The following LRRC7 variants were observed in gnomAD, a reference collection of about 807,000 sequenced individuals.
LRRC7 encodes leucine rich repeat containing 7.
A neutral mutation model predicts 175.7 loss-of-function variants in LRRC7; 23 were observed. The ratio of observed to expected loss-of-function variants is 0.13; its 90% CI spans 0.09 to 0.19. The LOEUF is 0.19. Among genes scored for constraint, LRRC7 ranks in the 10% least tolerant of loss-of-function variants. LRRC7 has a pLI of 1.00. For synonymous variants in LRRC7, 685 were observed against 680.9 expected (o/e 1.01, Z -0.09); for missense variants, 1,354 against 1,904.7 (o/e 0.71, Z 5.38).
chr1:70,058,348 T>A (rs1409571462), intron 23 of LRRC7, among the ~76,000 whole-genome samples: 2 of 152,146 alleles, frequency 1.3e-5, no homozygotes, highest in Non-Finnish European at 2.9e-5. Flanking sequence ...TATTAAAAGT[T>A]TAGGATTCAC....
At chr1:69,600,785 A>C in intron 1 of LRRC7, among the ~76,000 whole-genome samples, 1 of 135,102 alleles carries the variant, frequency 7.4e-6, no homozygotes, top group South Asian at 2.5e-4. Context: ...CCATTTCTCC[A>C]AGGATCTCTG....
At chr1:70,118,355 T>A (rs1441727809) in intron 26 of LRRC7, among the ~76,000 whole-genome samples, 8 of 150,266 alleles carry the variant, frequency 5.3e-5, no homozygotes, top group Non-Finnish European at 7.4e-5. Context: ...AAAAAAAAAA[T>A]GGAGATTCAG....
rs28617355 is a variant in LRRC7, at chr1:70,125,747, C to A, written c.*3860C>A. On this transcript the variant is annotated 3_prime_UTR_variant, in exon 27 of 27. Coordinates refer to ENST00000651989, the MANE Select transcript of LRRC7 (RefSeq NM_001370785.2). ...GCGGAGCTTGCAGTGAGCCGAGATC[C>A]CGCCACTGCACTCCAGCCTGGGCGA... 6.1e-4 allele frequency among the ~76,000 whole-genome samples: 80 copies of A among 131,258 alleles called. 3 individuals carry two copies. The South Asian group carries it at 0.021, about 34-fold the overall frequency. 86.1% of individuals were successfully genotyped at this position (131,258 alleles called of 152,430 possible).
intron 4 of LRRC7, among the ~76,000 whole-genome samples, chr1:69,818,403 G>A (rs1015939367): frequency 2.0e-5 from 3 of 151,922 alleles, no homozygotes; most frequent in African/African-American, 4.8e-5. Context: ...TCTTGATGTG[G>A]TGTATCACAT....
chr1:69,969,918 T>A (rs1165633673), intron 8 of LRRC7, among the ~76,000 whole-genome samples: 2 of 152,096 alleles, frequency 1.3e-5, no homozygotes, highest in Admixed American at 6.6e-5. Flanking sequence ...AAATTGAAAT[T>A]ATATCAAGCA....
At chr1:69,981,960 A>G (rs1003150129) in intron 9 of LRRC7, among the ~76,000 whole-genome samples, 13 of 152,354 alleles carry the variant, frequency 8.5e-5, no homozygotes, top group Admixed American at 4.6e-4. Context: ...GGCCCAAGAT[A>G]ACACAGCCAG....
intron 14 of LRRC7, 58 bp from the exon 15 acceptor site, chr1:70,018,661 A>T (rs1402793247): frequency 8.3e-7 from 1 of 1,203,798 alleles, no homozygotes; most frequent in Non-Finnish European, 1.2e-6. Context: ...AGACCAGACT[A>T]TTGACTGTTA....
intron 7 of LRRC7, among the ~76,000 whole-genome samples, chr1:69,868,895 A>C (rs993050950): frequency 5.6e-5 from 8 of 143,968 alleles, no homozygotes; most frequent in African/African-American, 1.8e-4. Context: ...ATCTATCTAT[A>C]TATGTATGTA....
intron 3 of LRRC7, among the ~76,000 whole-genome samples, chr1:69,788,483 A>G: frequency 6.6e-6 from 1 of 152,214 alleles, no homozygotes; most frequent in East Asian, 1.9e-4. Flanking sequence ...CACATAATAG[A>G]TATTCAATAA....
rs190740578 is a variant in LRRC7 at position 70,091,483 on chromosome 1, C to T, written c.4545+1664C>T. Among the ~76,000 whole-genome samples, 17 of 152,174 alleles carry T rather than the reference C, an allele frequency of 1.1e-4. 1 individual carries two copies. In the East Asian group the frequency reaches 3.1e-3, roughly 28 times the overall value. On this transcript the variant is annotated intron_variant, in intron 25 of 26. Coordinates refer to ENST00000651989, the MANE Select transcript of LRRC7 (RefSeq NM_001370785.2). ...ATATTTTTCTGTTCTTTCTCACCAG[C>T]ATATAAATCTTTTCACTATATTTTT...
chr1:69,603,933 T>C (rs1647194685), intron 1 of LRRC7, among the ~76,000 whole-genome samples: 1 of 152,142 alleles, frequency 6.6e-6, no homozygotes, highest in African/African-American at 2.4e-5. Context: ...TATTAAAAGA[T>C]AGTTCTATTT....
At chr1:69,981,480 T>A (rs1170942640) in intron 9 of LRRC7, among the ~76,000 whole-genome samples, 1 of 152,102 alleles carries the variant, frequency 6.6e-6, no homozygotes, top group Non-Finnish European at 1.5e-5. Flanking sequence ...AACAGAAAAA[T>A]ATGCACATCT....
At chr1:69,849,150 A>T (rs1682698204) in intron 7 of LRRC7, among the ~76,000 whole-genome samples, 1 of 152,028 alleles carries the variant, frequency 6.6e-6, no homozygotes, top group Non-Finnish European at 1.5e-5. Context: ...TAATTTTATG[A>T]GCAAGATTAG....
chr1:70,052,143 G>A lies in LRRC7; in HGVS notation c.4111-883G>A, dbSNP rs545555996. On this transcript the variant is annotated intron_variant, in intron 22 of 26. Transcript: ENST00000651989. The stretch of plus-strand genomic sequence containing the variant: ...CCTCAGGAAACCAAGCAGTACTTGT[G>A]TATCTTACACACTAGGGAAGAAAGG... 4.0e-5 allele frequency among the ~76,000 whole-genome samples: 6 copies of A among 151,462 alleles called. No individual in the cohort carries two copies. The East Asian group carries it at 1.2e-3, about 29-fold the overall frequency.
At chr1:69,727,752 C>T (rs1667131792) in intron 2 of LRRC7, among the ~76,000 whole-genome samples, 1 of 152,158 alleles carries the variant, frequency 6.6e-6, no homozygotes, top group African/African-American at 2.4e-5. Flanking sequence ...TACATATTTT[C>T]TGTGGGACTT....
chr1:70,014,165 G>A (rs769654672), intron 13 of LRRC7: 4 of 151,888 alleles, frequency 2.6e-5, no homozygotes, highest in African/African-American at 4.8e-5. Context: ...AGGAAAATAC[G>A]TTGAAAGTTG....
At chr1:69,782,890 C>A (rs950005404) in intron 3 of LRRC7, among the ~76,000 whole-genome samples, 7 of 152,102 alleles carry the variant, frequency 4.6e-5, no homozygotes, top group Non-Finnish European at 2.9e-5. Context: ...TGTGTGGATG[C>A]ATGCACATGT....
chr1:69,880,793 G>T (rs1189163202), intron 7 of LRRC7, among the ~76,000 whole-genome samples: 2 of 152,102 alleles, frequency 1.3e-5, no homozygotes. Flanking sequence ...TACAAAAACT[G>T]CTTCTAGGTT....
At position 69,931,594 on chromosome 1, in the gene LRRC7, C is replaced by T. The variant is rs201432575; in HGVS notation, c.711+24C>T. On this transcript the variant is annotated intron_variant, in intron 8 of 26. Transcript: ENST00000651989. The stretch of plus-strand genomic sequence containing the variant: ...TGGTAAGCAAATGCATTTTCTAAAC[C>T]TGATAAATACCCTTCAGGAGATTCT... The T allele has an allele frequency of 3.8e-6, 6 of 1,565,818 alleles. No individual in the cohort carries two copies. The Admixed American group carries it at 8.4e-5, about 22-fold the overall frequency.
Sources: gnomAD v4.1 joint callset for allele counts (sites outside exome capture counted in the v4.1 genomes callset) on GRCh38, gnomAD v4.1.1 for gene constraint, MANE v1.5 for transcripts, NCBI Gene and HGNC (gene_info 2026-07-23, HGNC 2026-07-21) for gene names.